Variants in NTSR1 observed in about 807,000 individuals in gnomAD.
The protein encoded by NTSR1 is neurotensin receptor type 1.
Under a neutral mutation model 31.2 loss-of-function variants are expected in NTSR1, and 29 were observed. That is an observed-to-expected ratio of 0.93 (90% confidence interval 0.69 to 1.27). NTSR1 has a LOEUF of 1.27. Among genes scored for constraint, NTSR1 ranks in the 50% most tolerant of loss-of-function variants. The pLI, the probability that NTSR1 is intolerant of heterozygous loss-of-function variation, is 0.00. For synonymous variants in NTSR1, 282 were observed against 269.9 expected (o/e 1.04, Z -0.44); for missense variants, 697 against 595.4 (o/e 1.17, Z -1.78).
chr20:62,716,752 A>G, intron 1 of NTSR1, among the ~76,000 whole-genome samples: 1 of 152,202 alleles, frequency 6.6e-6, no homozygotes, highest in Non-Finnish European at 1.5e-5. Context: ...TGTGAAGAGC[A>G]TGAGCCCCCA....
intron 1 of NTSR1, among the ~76,000 whole-genome samples, chr20:62,722,346 C>G (rs997397200): frequency 6.6e-6 from 1 of 152,214 alleles, no homozygotes; most frequent in African/African-American, 2.4e-5. Context: ...TAGGGCTTCT[C>G]CATCCTCCTG....
chr20:62,712,094 A>G (rs1600716643), intron 1 of NTSR1, among the ~76,000 whole-genome samples: 1 of 152,198 alleles, frequency 6.6e-6, no homozygotes, highest in Non-Finnish European at 1.5e-5. Context: ...CAGGGCCCCG[A>G]TGCCAGCTGC....
rs1479387734 is a variant in NTSR1, at chr20:62,733,601, A to G, written c.715-21084A>G. 6.6e-6 allele frequency among the ~76,000 whole-genome samples: 1 copy of G among 151,702 alleles called. No individual in the cohort carries two copies. Among genetic ancestry groups the G allele is most frequent in the East Asian group, 1.9e-4 (1 of 5,156 alleles). On this transcript the variant is annotated intron_variant, in intron 1 of 3. Transcript: ENST00000370501. This position sits in a 1 kb window ranked among gnomAD's most constrained non-coding sequence, Gnocchi z 5.2. ...GAGCCATGTGGGCTGGCTTCTGGGG[A>G]TGGGGAGGAGAGATACACACATGGA... is the stretch of plus-strand genomic sequence containing the variant.
intron 1 of NTSR1, among the ~76,000 whole-genome samples, chr20:62,712,092 C>T (rs1230835620): frequency 2.0e-5 from 3 of 152,196 alleles, no homozygotes; most frequent in Admixed American, 6.5e-5. Flanking sequence ...TCCAGGGCCC[C>T]GATGCCAGCT....
intron 1 of NTSR1, among the ~76,000 whole-genome samples, chr20:62,710,489 A>C (rs1458405293): frequency 6.6e-6 from 1 of 152,158 alleles, no homozygotes; most frequent in African/African-American, 2.4e-5. Context: ...ACGCGTGGGA[A>C]GTGTTTGCAT....
chr20:62,709,185 A>G lies in NTSR1; in HGVS notation c.-23A>G. 7.1e-7 allele frequency: 1 copy of G among 1,400,834 alleles called. No individual in the cohort carries two copies. The highest frequency in any genetic ancestry group is 9.2e-7 in the Non-Finnish European group (1 of 1,085,034). 86.8% of individuals were successfully genotyped at this position (1,400,834 alleles called of 1,614,324 possible). On this transcript the variant is annotated 5_prime_UTR_variant, in exon 1 of 4. Transcript: ENST00000370501. ...TTCCAGCCCCGGAGGCGCCGGACAGAGCCGCGGACTCCAGCGCCCACCATG... is the reference window on the plus strand; with the variant it reads ...TTCCAGCCCCGGAGGCGCCGGACAGGGCCGCGGACTCCAGCGCCCACCATG...
intron 1 of NTSR1, among the ~76,000 whole-genome samples, chr20:62,734,569 G>A (rs1568702599): frequency 6.6e-6 from 1 of 152,226 alleles, no homozygotes. Flanking sequence ...CCTGGGGAGC[G>A]AGGAGCAGGC....
intron 1 of NTSR1, among the ~76,000 whole-genome samples, chr20:62,740,650 G>T (rs576294955): frequency 1.3e-5 from 2 of 152,362 alleles, no homozygotes; most frequent in Admixed American, 1.3e-4. Context: ...AAACAGGAGT[G>T]CGAGGCCCTA....
At chr20:62,748,175 CA>C (rs34449464) in intron 1 of NTSR1, among the ~76,000 whole-genome samples, 7,309 of 78,844 alleles carry the variant, frequency 0.093, 146 homozygotes, top group African/African-American at 0.13. Context: ...GAATCTGTCT[CA>C]AAAAAAAAAA....
At chr20:62,720,628 G>T (rs1988814304) in intron 1 of NTSR1, among the ~76,000 whole-genome samples, 2 of 151,422 alleles carry the variant, frequency 1.3e-5, no homozygotes, top group African/African-American at 2.4e-5. Context: ...TTGTCTTTTA[G>T]CTTTCAATTT....
intron 1 of NTSR1, among the ~76,000 whole-genome samples, chr20:62,724,519 AC>A (rs1988873960): frequency 6.6e-6 from 1 of 152,262 alleles, no homozygotes. Context: ...ATTAAAAATA[AC>A]TGCATTTGTG....
Position 62,709,881 on chromosome 20 carries a change from C to A in NTSR1, c.674C>A (p.Thr225Asn), listed in dbSNP as rs1461174736. 4.4e-6 allele frequency: 7 copies of A among 1,601,748 alleles called. No homozygotes were observed. In the East Asian group the frequency reaches 1.3e-4, roughly 31 times the overall value. Reference protein sequence around the residue: ...DGQHAGGLVCTPTIHTATVKV... With the variant: ...DGQHAGGLVCNPTIHTATVKV... ...CAGCACGCCGGCGGCCTGGTGTGCA[C>A]CCCCACCATCCACACTGCCACCGTC... The change falls in exon 1 of 4, where the codon ACC (threonine) becomes AAC (asparagine). Residue 225 changes from threonine to asparagine, a missense_variant. By Grantham distance (65) the Thr-to-Asn change is moderately conservative. Transcript: ENST00000370501.
At position 62,745,276 on chromosome 20, in the gene NTSR1, C is replaced by A. The variant is rs1268919939; in HGVS notation, c.715-9409C>A. Among the ~76,000 whole-genome samples, 1 of 151,874 alleles carries A rather than the reference C, an allele frequency of 6.6e-6. No homozygotes were observed. Among genetic ancestry groups the A allele is most frequent in the Non-Finnish European group, 1.5e-5 (1 of 67,976 alleles). ...ACACAGAGAGACATGGAGAGAGACA[C>A]AGAGACAGAGAAACAGACACATAGA... On this transcript the variant is annotated intron_variant, in intron 1 of 3. Coordinates refer to ENST00000370501, the MANE Select transcript of NTSR1 (RefSeq NM_002531.3). This position sits in a 1 kb window ranked among gnomAD's most constrained non-coding sequence, Gnocchi z 4.1.
chr20:62,754,527 C>A (rs1211785095), intron 1 of NTSR1, among the ~76,000 whole-genome samples, 158 bp from the exon 2 acceptor site: 1 of 152,136 alleles, frequency 6.6e-6, no homozygotes, highest in Admixed American at 6.5e-5. Flanking sequence ...GCCATGTCTT[C>A]CGGGCAGCCG....
chr20:62,762,345 G>A lies in NTSR1; in HGVS notation c.*2078G>A, dbSNP rs1158433338. On this transcript the variant is annotated 3_prime_UTR_variant, in exon 4 of 4. Coordinates refer to ENST00000370501, the MANE Select transcript of NTSR1 (RefSeq NM_002531.3). ...GATCCACCCCGGAACAGACAGAATG[G>A]TGTCTCTCAGGATGGTGCTCTGAGA... The A allele has an allele frequency of 6.6e-6, 1 of 152,214 alleles. No homozygotes were observed. Among genetic ancestry groups the A allele is most frequent in the African/African-American group, 2.4e-5 (1 of 41,444 alleles). The allele number at this position is 152,214 out of a possible 1,614,324, so 9.4% of individuals were successfully genotyped here.
rs141577332 is a variant in NTSR1 at position 62,754,762 on chromosome 20, C to A, written c.792C>A (p.Thr264=). The change falls in exon 2 of 4, where the codon ACC becomes ACA. Residue 264 remains threonine, a synonymous_variant. Transcript: ENST00000370501. The part of the protein sequence containing the change: ...VLNTIIANKL[T]VMVRQAAEQG... The stretch of plus-strand genomic sequence containing the variant: ...ACACCATCATCGCCAACAAGCTGAC[C>A]GTCATGGTACGCCAGGCGGCCGAGC... The A allele has an allele frequency of 5.0e-6, 8 of 1,612,498 alleles. No homozygotes were observed. In the African/African-American group the frequency reaches 1.1e-4, roughly 22 times the overall value.
At chr20:62,747,942 G>A (rs1294829282) in intron 1 of NTSR1, among the ~76,000 whole-genome samples, 8 of 152,194 alleles carry the variant, frequency 5.3e-5, no homozygotes, top group East Asian at 1.9e-4. Flanking sequence ...TTGGGAGCCC[G>A]AGGCGGGTGG....
chr20:62,749,287 A>G (rs1468056565), intron 1 of NTSR1, among the ~76,000 whole-genome samples: 3 of 152,174 alleles, frequency 2.0e-5, no homozygotes, highest in Non-Finnish European at 2.9e-5. Context: ...TAAAAATACA[A>G]AAAATTAGCC....
intron 1 of NTSR1, among the ~76,000 whole-genome samples, chr20:62,737,419 G>A (rs979490168): frequency 4.6e-5 from 7 of 152,164 alleles, no homozygotes; most frequent in Non-Finnish European, 1.0e-4. Flanking sequence ...GGCTCCCTCC[G>A]TGCAGTCGGA....
Sources: gnomAD v4.1 joint callset for allele counts (sites outside exome capture counted in the v4.1 genomes callset) on GRCh38, gnomAD v4.1.1 for gene constraint, Gnocchi (gnomAD v3.1) non-coding constraint, MANE v1.5 for transcripts, NCBI Gene and HGNC (gene_info 2026-07-23, HGNC 2026-07-21) for gene names.